OR51C1: variants seen among roughly 807,000 people sequenced by gnomAD.
OR51C1 encodes the protein olfactory receptor family 51 subfamily C member 1, also known as olfactory receptor OR51C1.
At chr11:4,691,787 T>G in the OR51C1 span, 1 of 318,906 alleles carries the variant, frequency 3.1e-6, no homozygotes, top group Non-Finnish European at 6.1e-6. Flanking sequence ...TAAAATAATT[T>G]TATTGTACAG....
At chr11:4,696,200 T>A in the OR51C1 span, among the ~76,000 whole-genome samples, 1 of 152,158 alleles carries the variant, frequency 6.6e-6, no homozygotes, top group Non-Finnish European at 1.5e-5. Context: ...CTGAGGGACA[T>A]CTCTACCCAT....
the OR51C1 span, among the ~76,000 whole-genome samples, chr11:4,694,833 G>A: frequency 6.6e-6 from 1 of 152,098 alleles, no homozygotes; most frequent in Non-Finnish European, 1.5e-5. Flanking sequence ...ATACATGAAT[G>A]TGTCTGTGTG....
chr11:4,692,391 G>GAT, the OR51C1 span, among the ~76,000 whole-genome samples: 2 of 152,192 alleles, frequency 1.3e-5, no homozygotes, highest in Non-Finnish European at 2.9e-5. Context: ...GCCCCCACCT[G>GAT]ATATAATGTG....
At chr11:4,695,781 T>C in the OR51C1 span, among the ~76,000 whole-genome samples, 37,537 of 152,080 alleles carry the variant, frequency 0.25, 4,856 homozygotes, top group African/African-American at 0.26. Context: ...GTGAGGTTTT[T>C]TTTTTTCCTG....
At chr11:4,697,232 T>A in the OR51C1 span, among the ~76,000 whole-genome samples, 2 of 152,246 alleles carry the variant, frequency 1.3e-5, no homozygotes, top group East Asian at 3.8e-4. Flanking sequence ...ATTGTTTTAC[T>A]GAAATCTACA....
chr11:4,693,770 A>C, the OR51C1 span, among the ~76,000 whole-genome samples: 1 of 152,292 alleles, frequency 6.6e-6, no homozygotes, highest in South Asian at 2.1e-4. Flanking sequence ...GTGCACTTGT[A>C]ACACTTCTCT....
chr11:4,697,627 T>TC, the OR51C1 span: 1 of 152,686 alleles, frequency 6.5e-6, no homozygotes, highest in African/African-American at 2.4e-5. Flanking sequence ...TCAAGCATTT[T>TC]CATTGAACAA....
At chr11:4,696,534 G>C in the OR51C1 span, among the ~76,000 whole-genome samples, 1 of 152,182 alleles carries the variant, frequency 6.6e-6, no homozygotes, top group South Asian at 2.1e-4. Flanking sequence ...TTATTTCATT[G>C]CATTTTTCTT....
chr11:4,691,297 T>C, the OR51C1 span: 1 of 457,332 alleles, frequency 2.2e-6, no homozygotes, highest in Non-Finnish European at 4.4e-6. Context: ...GTTAAAATCA[T>C]GGCATACCTA....
chr11:4,694,820 T>C, the OR51C1 span, among the ~76,000 whole-genome samples: 1 of 152,120 alleles, frequency 6.6e-6, no homozygotes, highest in African/African-American at 2.4e-5. Flanking sequence ...TTGGAGTGTG[T>C]GCATACATGA....
At chr11:4,697,812 T>G in the OR51C1 span, 1 of 152,420 alleles carries the variant, frequency 6.6e-6, no homozygotes. Flanking sequence ...CTGGTGGTGG[T>G]GCTAACTCAC....
At chr11:4,692,382 C>T in the OR51C1 span, among the ~76,000 whole-genome samples, 11 of 152,308 alleles carry the variant, frequency 7.2e-5, no homozygotes, top group Admixed American at 3.9e-4. Context: ...CAGGAGGCTG[C>T]CCCCACCTGA....
chr11:4,693,470 C>A, the OR51C1 span, among the ~76,000 whole-genome samples: 1 of 152,108 alleles, frequency 6.6e-6, no homozygotes, highest in Non-Finnish European at 1.5e-5. Flanking sequence ...GCCTGTAGTC[C>A]CAGCACTTTG....
At chr11:4,693,211 C>T in the OR51C1 span, among the ~76,000 whole-genome samples, 1 of 152,110 alleles carries the variant, frequency 6.6e-6, no homozygotes, top group Non-Finnish European at 1.5e-5. Flanking sequence ...TCACATTTTA[C>T]CCCACAAATA....
chr11:4,691,426 C>T, the OR51C1 span: 5 of 457,556 alleles, frequency 1.1e-5, no homozygotes, highest in East Asian at 2.8e-4. Context: ...AAGCTGATTT[C>T]CCTCACATTG....
the OR51C1 span, among the ~76,000 whole-genome samples, chr11:4,694,430 A>G: frequency 6.6e-6 from 1 of 151,632 alleles, no homozygotes; most frequent in Non-Finnish European, 1.5e-5. Flanking sequence ...TTTAGCTCCT[A>G]TCAACCAGAA....
chr11:4,692,274 C>A, the OR51C1 span: 1 of 352,382 alleles, frequency 2.8e-6, no homozygotes, highest in Admixed American at 3.5e-5. Flanking sequence ...TAAATGGCTT[C>A]AGCATCTAAC....
chr11:4,690,873 A>G, the OR51C1 span: 1 of 456,524 alleles, frequency 2.2e-6, no homozygotes, highest in African/African-American at 2.0e-5. Flanking sequence ...GTTAGCAATC[A>G]TAGTATGTAC....
At chr11:4,696,559 T>G in the OR51C1 span, among the ~76,000 whole-genome samples, 1 of 152,296 alleles carries the variant, frequency 6.6e-6, no homozygotes, top group Admixed American at 6.5e-5. Flanking sequence ...TGAAAAAATC[T>G]TAAGTGTTTA....
Sources: gnomAD v4.1 joint callset for allele counts (sites outside exome capture counted in the v4.1 genomes callset) on GRCh38, gnomAD v4.1.1 for gene constraint, MANE v1.5 for transcripts, NCBI Gene and HGNC (gene_info 2026-07-23, HGNC 2026-07-21) for gene names.